Variants in CAPSL observed in about 807,000 individuals in gnomAD.
The protein encoded by CAPSL is calcyphosin-like protein.
A neutral mutation model predicts 21.3 loss-of-function variants in CAPSL; 17 were observed. The ratio of observed to expected loss-of-function variants is 0.80; its 90% confidence interval spans 0.55 to 1.20. The LOEUF is 1.20. Among genes scored for constraint, CAPSL ranks in the 50% most tolerant of loss-of-function variants. The pLI, the probability that CAPSL is intolerant of heterozygous loss-of-function variation, is 0.00. For synonymous variants in CAPSL, 102 were observed against 89.3 expected, an observed-to-expected ratio of 1.14 and a Z score of -0.80; for missense variants, 289 against 259.3, an observed-to-expected ratio of 1.11 and a Z score of -0.79.
intron 1 of CAPSL, among the ~76,000 whole-genome samples, chr5:35,923,104 A>G (rs989325993): frequency 6.6e-6 from 1 of 152,152 alleles, no homozygotes; most frequent in African/African-American, 2.4e-5. Flanking sequence ...TTGCTTCATG[A>G]TACTTGCCCA....
chr5:35,904,417 G>T lies in CAPSL; in HGVS notation c.*128C>A. On this transcript the variant is annotated 3_prime_UTR_variant, in exon 5 of 5. Transcript: ENST00000651391. ...TGCCTGTTTTTTGGCCCCAGAAAATGCAATATTTTGACACAGAAAAAAACA... is the reference window on the plus strand; with the variant it reads ...TGCCTGTTTTTTGGCCCCAGAAAATTCAATATTTTGACACAGAAAAAAACA... The T allele has an allele frequency of 1.4e-6, 1 of 726,662 alleles. No homozygotes were observed. The highest frequency in any genetic ancestry group is 2.3e-6 in the Non-Finnish European group (1 of 433,928). 45.0% of individuals were successfully genotyped at this position (726,662 alleles called of 1,614,324 possible).
At chr5:35,926,907 G>T (rs1425166374) in intron 1 of CAPSL, among the ~76,000 whole-genome samples, 1 of 152,136 alleles carries the variant, frequency 6.6e-6, no homozygotes, top group South Asian at 2.1e-4. Flanking sequence ...TCAGGGAAAA[G>T]ACCGTTCCTT....
intron 1 of CAPSL, among the ~76,000 whole-genome samples, chr5:35,927,056 G>T (rs1580894167): frequency 6.6e-6 from 1 of 151,914 alleles, no homozygotes; most frequent in African/African-American, 2.4e-5. Flanking sequence ...TGACAGAGGC[G>T]AGATGTGCTT....
chr5:35,910,004 A>T lies in CAPSL; in HGVS notation c.387T>A (p.Gly129=). The part of the protein sequence containing the change: ...AFRKLDKTGD[G]VITIEDLREV... ...CACGAAGGTCTTCGATTGTTATAAC[A>T]CCATCTCCAGTCTTGTCTAACTTTC... Residue 129 remains glycine (G), a synonymous_variant, in exon 4 of 5, where the codon GGT becomes GGA. Coordinates refer to ENST00000651391, the MANE Select transcript of CAPSL (RefSeq NM_001042625.2). 3 of 1,613,774 alleles carry T rather than the reference A, an allele frequency of 1.9e-6. No homozygotes were observed. Among genetic ancestry groups the T allele is most frequent in the South Asian group, 2.2e-5 (2 of 90,934 alleles).
chr5:35,912,201 A>T (rs1157301309), intron 2 of CAPSL, among the ~76,000 whole-genome samples: 2 of 152,146 alleles, frequency 1.3e-5, no homozygotes, highest in African/African-American at 2.4e-5. Flanking sequence ...GACGGTAAAC[A>T]AAGCAGCCAG....
chr5:35,922,157 G>C (rs949190075), intron 1 of CAPSL, among the ~76,000 whole-genome samples: 3 of 151,672 alleles, frequency 2.0e-5, no homozygotes, highest in Admixed American at 2.0e-4. Flanking sequence ...CTTCCCCTAA[G>C]TGCTACATTA....
intron 4 of CAPSL, among the ~76,000 whole-genome samples, chr5:35,909,087 T>TTG (rs934881448): frequency 6.2e-4 from 7 of 11,234 alleles, no homozygotes; most frequent in African/African-American, 2.5e-3. Flanking sequence ...TGGCTCAGGG[T>TTG]TTTTTTTTTT....
chr5:35,915,932 T>C (rs1042626830), intron 2 of CAPSL, among the ~76,000 whole-genome samples: 1 of 152,210 alleles, frequency 6.6e-6, no homozygotes, highest in Non-Finnish European at 1.5e-5. Flanking sequence ...TGTCCCTGTT[T>C]GCAGATGACA....
intron 3 of CAPSL, 102 bp downstream of exon 3, chr5:35,910,264 C>G: frequency 7.6e-7 from 1 of 1,315,192 alleles, no homozygotes; most frequent in Non-Finnish European, 1.1e-6. Context: ...TCCCCCTCCC[C>G]ACAGTGTACT....
At chr5:35,929,763 A>T (rs1738774979) in intron 1 of CAPSL, among the ~76,000 whole-genome samples, 1 of 152,300 alleles carries the variant, frequency 6.6e-6, no homozygotes, top group Admixed American at 6.5e-5. Context: ...GCAGAGAGTG[A>T]GGACCGGAGT....
intron 1 of CAPSL, among the ~76,000 whole-genome samples, chr5:35,931,205 C>G (rs1393226915): frequency 6.6e-6 from 1 of 152,150 alleles, no homozygotes; most frequent in East Asian, 1.9e-4. Flanking sequence ...AATGTTTGGG[C>G]TGACCCTAAA....
intron 1 of CAPSL, among the ~76,000 whole-genome samples, chr5:35,925,140 T>C (rs1324340781): frequency 3.3e-5 from 5 of 152,352 alleles, no homozygotes; most frequent in South Asian, 4.1e-4. Context: ...GTTCAGTCTC[T>C]GCCTTCCACA....
intron 1 of CAPSL, among the ~76,000 whole-genome samples, chr5:35,931,196 A>G (rs936463416): frequency 9.9e-5 from 15 of 152,186 alleles, no homozygotes; most frequent in African/African-American, 3.6e-4. Flanking sequence ...TATTCCTGCA[A>G]TGTTTGGGCT....
chr5:35,915,662 C>T (rs564260896), intron 2 of CAPSL, among the ~76,000 whole-genome samples: 3 of 152,112 alleles, frequency 2.0e-5, no homozygotes, highest in African/African-American at 2.4e-5. Flanking sequence ...ATTCAACAAC[C>T]CTTCATGCTA....
rs2149925718 is a variant in CAPSL at position 35,921,016 on chromosome 5, G to C, written c.105C>G (p.Ala35=). ...GTCCTTTGATCCCAGCAGAGCCCCT[G>C]GCCAGGCACTGCAGTCGGAGTCTTT... ...PIERLRLQCL[A]RGSAGIKGLG... is the part of the protein sequence containing the mutation. The change falls in exon 2 of 5, where the codon GCC becomes GCG. Residue 35 remains alanine, a synonymous_variant. Transcript: ENST00000651391. 1.2e-6 allele frequency: 2 copies of C among 1,614,076 alleles called. No individual in the cohort carries two copies. The highest frequency in any genetic ancestry group is 1.7e-6 in the Non-Finnish European group (2 of 1,180,008).
At chr5:35,924,168 G>T (rs1428812130) in intron 1 of CAPSL, among the ~76,000 whole-genome samples, 14 of 152,268 alleles carry the variant, frequency 9.2e-5, no homozygotes, top group African/African-American at 2.6e-4. Flanking sequence ...CAGGTAACTT[G>T]CCCAAGTCGC....
chr5:35,916,168 A>C (rs1319871481), intron 2 of CAPSL, among the ~76,000 whole-genome samples: 1 of 151,962 alleles, frequency 6.6e-6, no homozygotes, highest in South Asian at 2.1e-4. Context: ...GATGTGAAGG[A>C]CCTCTTCAAG....
intron 2 of CAPSL, among the ~76,000 whole-genome samples, chr5:35,920,095 C>T (rs1288840325): frequency 6.6e-6 from 1 of 152,146 alleles, no homozygotes; most frequent in Non-Finnish European, 1.5e-5. Flanking sequence ...TCTGACAGAG[C>T]TGGGCTTAGT....
intron 2 of CAPSL, among the ~76,000 whole-genome samples, chr5:35,912,044 C>T (rs189064931): frequency 2.1e-4 from 32 of 152,312 alleles, no homozygotes; most frequent in African/African-American, 4.8e-4. Context: ...TCTTAGCAAA[C>T]GGCGCACCAG....
Sources: allele counts gnomAD v4.1 joint callset (sites outside exome capture counted in the v4.1 genomes callset), GRCh38; gene constraint gnomAD v4.1.1; transcripts MANE v1.5; gene names NCBI Gene and HGNC (gene_info 2026-07-23, HGNC 2026-07-21).